The following TNIP1 variants were observed in gnomAD, a reference collection of about 807,000 sequenced individuals.
The protein encoded by TNIP1 is TNFAIP3-interacting protein 1.
A neutral mutation model predicts 86.6 loss-of-function variants in TNIP1; 22 were observed. The ratio of observed to expected loss-of-function variants is 0.25; its 90% CI spans 0.18 to 0.36. The LOEUF is 0.36. Ranked by LOEUF, TNIP1 falls within the 10% of genes least tolerant of loss-of-function variation. TNIP1 has a pLI of 1.00. For synonymous variants in TNIP1, 294 were observed against 313.0 expected, an observed-to-expected ratio of 0.94 and a Z score of 0.64; for missense variants, 709 against 820.6, an observed-to-expected ratio of 0.86 and a Z score of 1.66.
At position 151,035,446 on chromosome 5, in the gene TNIP1, G is replaced by C. The variant is rs540774695; in HGVS notation, c.1521+136C>G. 6.8e-6 allele frequency: 9 copies of C among 1,323,224 alleles called. No homozygotes were observed. In the African/African-American group the frequency reaches 1.2e-4, roughly 17 times the overall value. The allele number at this position is 1,323,224 out of a possible 1,614,324, so 82.0% of individuals were successfully genotyped here. On this transcript the variant is annotated intron_variant, in intron 14 of 17. Coordinates refer to ENST00000521591, the MANE Select transcript of TNIP1 (RefSeq NM_006058.5). ...AGTCAGAGAGGGGAAGGGCCTTGCC[G>C]AGCTCAAATATGATTGCAGAGCTGG...
Position 151,039,191 on chromosome 5 carries a change from T to C in TNIP1, c.1169A>G (p.Glu390Gly), listed in dbSNP as rs1326359362. ...CAGGTACTTGACCTTTTGGCGCAGC[T>C]CCTTGGCCTCTGCTGTCAGCTGCTC... ...DKEQLTAEAK[E>G]LRQKVKYLQD... The change falls in exon 12 of 18, where the codon GAG becomes GGG. Residue 390 changes from glutamate to glycine, a missense_variant. Physicochemically the swap from Glu to Gly is moderately conservative, Grantham distance 98 (BLOSUM62 -2). Coordinates refer to ENST00000521591, the MANE Select transcript of TNIP1 (RefSeq NM_006058.5). 10 of 1,613,606 alleles carry C rather than the reference T, an allele frequency of 6.2e-6. No homozygotes were observed. The highest frequency in any genetic ancestry group is 6.8e-6 in the Non-Finnish European group (8 of 1,179,950).
At chr5:151,047,878 G>A (rs548039675) in intron 8 of TNIP1, among the ~76,000 whole-genome samples, 3 of 152,152 alleles carry the variant, frequency 2.0e-5, no homozygotes. Context: ...GGCCCCATCC[G>A]GACTTCTGAC....
At chr5:151,033,314 C>T (rs779172142) in intron 16 of TNIP1, among the ~76,000 whole-genome samples, 9 of 152,062 alleles carry the variant, frequency 5.9e-5, no homozygotes, top group Non-Finnish European at 1.2e-4. Context: ...AACTCTGATA[C>T]CCATGGCCTG....
intron 1 of TNIP1, among the ~76,000 whole-genome samples, chr5:151,079,465 T>C (rs1181610373): frequency 6.6e-6 from 1 of 151,814 alleles, no homozygotes; most frequent in Non-Finnish European, 1.5e-5. Flanking sequence ...CTACTCAAAA[T>C]ACAAAAAAAT....
intron 6 of TNIP1, among the ~76,000 whole-genome samples, chr5:151,055,279 T>C (rs1049857492): frequency 6.6e-6 from 1 of 152,046 alleles, no homozygotes; most frequent in Non-Finnish European, 1.5e-5. Context: ...TTACAAACTA[T>C]GATAAGAGCT....
chr5:151,060,164 G>A (rs551476765), intron 5 of TNIP1, among the ~76,000 whole-genome samples, 154 bp downstream of exon 5: 5 of 152,306 alleles, frequency 3.3e-5, no homozygotes, highest in South Asian at 2.1e-4. Flanking sequence ...ATATGTGAGC[G>A]AGAAGCACCC....
At chr5:151,042,739 C>A in intron 10 of TNIP1, 68 bp from the exon 11 acceptor site, 2 of 1,601,370 alleles carry the variant, frequency 1.2e-6, no homozygotes, top group Middle Eastern at 1.9e-4. Context: ...GTGGGCAGGG[C>A]CTGGCTGCCC....
chr5:151,076,923 A>G (rs576057957), intron 1 of TNIP1, among the ~76,000 whole-genome samples: 1 of 152,340 alleles, frequency 6.6e-6, no homozygotes, highest in South Asian at 2.1e-4. Context: ...CAGATGTTTG[A>G]GACAAAGCAA....
chr5:151,064,229 C>G (rs765842491), intron 2 of TNIP1, among the ~76,000 whole-genome samples: 2 of 152,202 alleles, frequency 1.3e-5, no homozygotes, highest in African/African-American at 2.4e-5. Flanking sequence ...CCTCCCTCCC[C>G]AGTCGGCCAT....
chr5:151,063,520 T>C (rs1481767307), intron 3 of TNIP1, 93 bp downstream of exon 3: 7 of 1,525,498 alleles, frequency 4.6e-6, no homozygotes, highest in Non-Finnish European at 6.3e-6. Flanking sequence ...AACGAGAGAA[T>C]GTGGGTTTTG....
chr5:151,069,523 T>A (rs1172479044), intron 1 of TNIP1, among the ~76,000 whole-genome samples: 1 of 152,166 alleles, frequency 6.6e-6, no homozygotes, highest in Non-Finnish European at 1.5e-5. Flanking sequence ...ATGCCTTTGG[T>A]CACTGGCTGC....
chr5:151,045,415 T>G (rs541526225), intron 9 of TNIP1, among the ~76,000 whole-genome samples: 9 of 152,250 alleles, frequency 5.9e-5, no homozygotes, highest in African/African-American at 1.9e-4. Context: ...GTTAAAAATT[T>G]TGACAGTAAA....
At chr5:151,059,802 A>AGG (rs1761173024) in intron 5 of TNIP1, among the ~76,000 whole-genome samples, 66 of 109,252 alleles carry the variant, frequency 6.0e-4, no homozygotes, top group African/African-American at 2.8e-3. Context: ...AGAGAGAGAG[A>AGG]GAGAGAGAGA....
chr5:151,066,757 C>T (rs1034764170), intron 1 of TNIP1, among the ~76,000 whole-genome samples: 10 of 152,278 alleles, frequency 6.6e-5, no homozygotes, highest in Admixed American at 5.2e-4. Flanking sequence ...CACGATGACC[C>T]GGCCGCAATA....
rs373457533 is a variant in TNIP1, at chr5:151,056,848, G to T, written c.545C>A (p.Thr182Asn). Residue 182 changes from threonine (T) to asparagine (N), a missense_variant, in exon 6 of 18, where the codon ACC (threonine) becomes AAC (asparagine). By Grantham distance (65) the Thr-to-Asn change is moderately conservative. Transcript: ENST00000521591. ...CTCCAGGGCCATGCGGCCCAGGTGGGTGAAGAGCTGGCCGTGGTCCGGCTC... is the reference window on the plus strand; with the variant it reads ...CTCCAGGGCCATGCGGCCCAGGTGGTTGAAGAGCTGGCCGTGGTCCGGCTC... ...AEEPDHGQLF[T>N]HLGRMALEFN... 128 of 1,604,448 alleles carry T rather than the reference G, an allele frequency of 8.0e-5. No homozygotes were observed. The highest frequency in any genetic ancestry group is 1.1e-4 in the Non-Finnish European group (126 of 1,175,856).
intron 13 of TNIP1, among the ~76,000 whole-genome samples, 158 bp downstream of exon 13, chr5:151,036,632 G>A (rs899132355): frequency 1.3e-5 from 2 of 152,214 alleles, no homozygotes; most frequent in Non-Finnish European, 2.9e-5. Context: ...TTATGGTGCT[G>A]GAAAGGATAA....
intron 6 of TNIP1, 109 bp downstream of exon 6, chr5:151,056,657 C>A (rs2233291): frequency 5.4e-6 from 6 of 1,113,370 alleles, no homozygotes; most frequent in Middle Eastern, 2.2e-4. Flanking sequence ...CACAACACAG[C>A]CTTCAGAAGT....
chr5:151,053,966 G>T (rs753298381), intron 6 of TNIP1, among the ~76,000 whole-genome samples: 1 of 152,170 alleles, frequency 6.6e-6, no homozygotes, highest in Non-Finnish European at 1.5e-5. Flanking sequence ...CCAGGACCAG[G>T]GCCATTCACT....
chr5:151,049,968 GA>G lies in TNIP1; in HGVS notation c.723-22del, dbSNP rs1402078598. 3 of 1,613,718 alleles carry G rather than the reference GA, an allele frequency of 1.9e-6. No individual in the cohort carries two copies. The South Asian group carries it at 3.3e-5, about 18-fold the overall frequency. ...CCTCCCTGGGATGGAGGTAAACAGA[GA>G]AATCACAATGCTGACCCTGAGTTAA... is the stretch of plus-strand genomic sequence containing the variant. On this transcript the variant is annotated intron_variant, in intron 7 of 17. Coordinates refer to ENST00000521591, the MANE Select transcript of TNIP1 (RefSeq NM_006058.5).
Sources: gnomAD v4.1 joint callset for allele counts (sites outside exome capture counted in the v4.1 genomes callset) on GRCh38, gnomAD v4.1.1 for gene constraint, MANE v1.5 for transcripts, NCBI Gene and HGNC (gene_info 2026-07-23, HGNC 2026-07-21) for gene names.